DACT3: variants seen among roughly 807,000 people sequenced by gnomAD.
DACT3 encodes dishevelled binding antagonist of beta catenin 3.
In DACT3, 5 loss-of-function variants were observed where a neutral mutation model predicts 19.6. The observed-to-expected ratio is 0.26, with a 90% CI of 0.13 to 0.54. DACT3 has a LOEUF of 0.54. Among genes scored for constraint, DACT3 ranks in the 20% least tolerant of loss-of-function variants. The pLI is 0.95. For synonymous variants in DACT3, 454 were observed against 428.1 expected, an observed-to-expected ratio of 1.06 and a Z score of -0.75; for missense variants, 908 against 927.4, an observed-to-expected ratio of 0.98 and a Z score of 0.27.
chr19:46,649,269 C>T lies in DACT3; in HGVS notation c.1103G>A (p.Arg368Gln). Reference sequence around the variant, plus strand: ...GCGGGCGGCGCGGCCAGGGAGGCCTCGGGTGGCCGCCTGCGCGCCCGGGAT... The same window carrying T: ...GCGGGCGGCGCGGCCAGGGAGGCCTTGGGTGGCCGCCTGCGCGCCCGGGAT... Reference protein sequence around the residue: ...QYIPGAQAATRGLPGRAARRK... With the variant: ...QYIPGAQAATQGLPGRAARRK... Residue 368 changes from arginine to glutamine, a missense_variant, in exon 4 of 4, where the codon CGA becomes CAA. Around this residue, in one of 2 missense-constraint regions of DACT3, gnomAD observed 656 missense variants for 601.8 expected, o/e 1.09. Transcript: ENST00000391916. 8.3e-7 allele frequency: 1 copy of T among 1,205,990 alleles called. No individual in the cohort carries two copies. Among genetic ancestry groups the T allele is most frequent in the Non-Finnish European group, 1.0e-6 (1 of 972,750 alleles). The allele number at this position is 1,205,990 out of a possible 1,614,324, so 74.7% of individuals were successfully genotyped here.
intron 1 of DACT3, among the ~76,000 whole-genome samples, chr19:46,656,818 A>G (rs2053037287): frequency 6.6e-6 from 1 of 152,214 alleles, no homozygotes; most frequent in Non-Finnish European, 1.5e-5. Context: ...GTGACTCAGA[A>G]TTACCTGGAG....
At position 46,648,486 on chromosome 19, in the gene DACT3, A is replaced by T; in HGVS notation, c.1886T>A (p.Val629Glu). ...RSGSLKVMTTV is the reference protein window; with the variant it reads ...RSGSLKVMTTE ...AGCCCAAGCAAATCCCCAAACTCAC[A>T]CTGTAGTCATGACCTTGAGAGAACC... Residue 629 changes from valine to glutamate, a missense_variant, in exon 4 of 4, where the codon GTG becomes GAG. Coordinates refer to ENST00000391916, the MANE Select transcript of DACT3 (RefSeq NM_145056.3). The surrounding 1 kb of genome is among the most constrained non-coding windows in gnomAD (Gnocchi z 5.1). 1 of 1,613,944 alleles carries T rather than the reference A, an allele frequency of 6.2e-7. No homozygotes were observed. The highest frequency in any genetic ancestry group is 8.5e-7 in the Non-Finnish European group (1 of 1,179,842).
At chr19:46,659,050 T>G in intron 1 of DACT3, 1 of 976,270 alleles carries the variant, frequency 1.0e-6, no homozygotes. Flanking sequence ...TGGCAGGGGC[T>G]GGGGGTGGGG....
At position 46,652,899 on chromosome 19, in the gene DACT3, GAC is replaced by G. The variant is rs950092267; in HGVS notation, c.346+78_346+79del. 3.2e-6 allele frequency: 5 copies of G among 1,540,654 alleles called. No homozygotes were observed. In the African/African-American group the frequency reaches 6.9e-5, roughly 21 times the overall value. ...GAAAGGAGGAGATGGCGTGGGGAGA[GAC>G]ACAGGGGGCCTCAGAAATAGGGATA... On this transcript the variant is annotated intron_variant, in intron 2 of 3. Transcript: ENST00000391916.
In DACT3 at chr19:46,648,555, T is replaced by C. The variant is rs1348410388; in HGVS notation, c.1817A>G (p.Lys606Arg). The C allele has an allele frequency of 1.9e-6, 3 of 1,613,826 alleles. No homozygotes were observed. The highest frequency in any genetic ancestry group is 2.2e-5 in the South Asian group (2 of 91,078). Residue 606 changes from lysine (K) to arginine (R), a missense_variant, in exon 4 of 4, where the codon AAA (lysine) becomes AGA (arginine). This residue lies in a region of DACT3 where 656 missense variants were observed against 601.8 expected (regional missense o/e 1.09). Transcript: ENST00000391916. This position sits in a 1 kb window ranked among gnomAD's most constrained non-coding sequence, Gnocchi z 5.1. ...CTTTTTCTTGAGCGCGTGGGAAGCTTTGATTTTCACGAAGACTTTGGCGGG... is the reference window on the plus strand; with the variant it reads ...CTTTTTCTTGAGCGCGTGGGAAGCTCTGATTTTCACGAAGACTTTGGCGGG... ...AGPAKVFVKI[K>R]ASHALKKKIL...
At chr19:46,653,247 C>A (rs2053004193) in intron 1 of DACT3, among the ~76,000 whole-genome samples, 172 bp from the exon 2 acceptor site, 1 of 152,142 alleles carries the variant, frequency 6.6e-6, no homozygotes, top group Admixed American at 6.5e-5. Flanking sequence ...GTCCCTTCAT[C>A]CCCATTAGAA....
intron 3 of DACT3, chr19:46,651,255 G>A (rs2052981607): frequency 6.6e-6 from 1 of 151,994 alleles, no homozygotes; most frequent in South Asian, 2.1e-4. Flanking sequence ...GCTAATTTTT[G>A]TATTTTTTGT....
chr19:46,656,040 AATTT>A (rs201832570), intron 1 of DACT3, among the ~76,000 whole-genome samples: 230 of 135,838 alleles, frequency 1.7e-3, no homozygotes, highest in African/African-American at 4.5e-3. Context: ...ATATATATGA[AATTT>A]ATTTATTTAT....
chr19:46,654,306 T>C, intron 1 of DACT3: 4 of 718,918 alleles, frequency 5.6e-6, no homozygotes, highest in Non-Finnish European at 6.8e-6. Flanking sequence ...GCCAATATGG[T>C]GAAACCTTGT....
chr19:46,660,023 C>T lies in DACT3; in HGVS notation c.249+793G>A, dbSNP rs1417733594. On this transcript the variant is annotated intron_variant, in intron 1 of 3. Transcript: ENST00000391916. The surrounding 1 kb of genome is among the most constrained non-coding windows in gnomAD (Gnocchi z 4.9). ...GAACCCAGGACGAGATCGGGAGACT[C>T]AAGGAATGACATAGAAAGGGGAGAG... Among the ~76,000 whole-genome samples, 3 of 152,080 alleles carry T rather than the reference C, an allele frequency of 2.0e-5. No homozygotes were observed. The highest frequency in any genetic ancestry group is 4.4e-5 in the Non-Finnish European group (3 of 68,000).
Position 46,648,364 on chromosome 19 carries a change from G to T in DACT3, c.*118C>A. The T allele has an allele frequency of 1.3e-6, 2 of 1,535,816 alleles. No homozygotes were observed. The highest frequency in any genetic ancestry group is 1.8e-6 in the Non-Finnish European group (2 of 1,130,068). On this transcript the variant is annotated 3_prime_UTR_variant, in exon 4 of 4. Transcript: ENST00000391916. The surrounding 1 kb of genome is among the most constrained non-coding windows in gnomAD (Gnocchi z 5.1). ...GACTGTTAGGAGTGGGGAGAGTGAG[G>T]GGGGTCTTTGGAAGCAGAGAAAACG...
chr19:46,654,530 C>G (rs974739752), intron 1 of DACT3: 1 of 983,362 alleles, frequency 1.0e-6, no homozygotes, highest in African/African-American at 1.8e-5. Context: ...ATGAGTCTAC[C>G]CTGGATCCTT....
intron 1 of DACT3, chr19:46,654,701 G>C: frequency 1.0e-6 from 1 of 985,438 alleles, no homozygotes; most frequent in Non-Finnish European, 1.2e-6. Flanking sequence ...TTGACCCTCA[G>C]ACAAAAGCGG....
chr19:46,649,068 G>A lies in DACT3; in HGVS notation c.1304C>T (p.Ser435Phe). 7.7e-7 allele frequency: 1 copy of A among 1,293,434 alleles called. No homozygotes were observed. Among genetic ancestry groups the A allele is most frequent in the Non-Finnish European group, 9.8e-7 (1 of 1,023,336 alleles). 80.1% of individuals were successfully genotyped at this position (1,293,434 alleles called of 1,614,324 possible). Residue 435 changes from serine to phenylalanine, a missense_variant, in exon 4 of 4, where the codon TCC (serine) becomes TTC (phenylalanine). Ser to Phe is a radical substitution (Grantham distance 155, BLOSUM62 -2). Transcript: ENST00000391916. ...QSETSLLGRA[S>F]AVPSGPPKYP... Reference sequence around the variant, plus strand: ...CTTAGGGGGCCCCGAAGGGACCGCGGAGGCGCGGCCCAGCAGGCTGGTCTC... The same window carrying A: ...CTTAGGGGGCCCCGAAGGGACCGCGAAGGCGCGGCCCAGCAGGCTGGTCTC...
chr19:46,661,132 C>T lies in DACT3; in HGVS notation c.-68G>A, dbSNP rs2053073265. 1.5e-6 allele frequency: 2 copies of T among 1,320,462 alleles called. No homozygotes were observed. Among genetic ancestry groups the T allele is most frequent in the African/African-American group, 1.6e-5 (1 of 64,424 alleles). The allele number at this position is 1,320,462 out of a possible 1,614,324, so 81.8% of individuals were successfully genotyped here. A position where few individuals can be genotyped will look rare whatever the true frequency, so the allele number is the denominator to read the frequency against. ...CCCCTCTCCCGGTCCCACCTCCCCG[C>T]CCCAGCAGCCTGCCCGCCCGCCCGC... On this transcript the variant is annotated 5_prime_UTR_variant, in exon 1 of 4. Transcript: ENST00000391916.
chr19:46,648,625 T>C lies in DACT3; in HGVS notation c.1747A>G (p.Thr583Ala). 3 of 1,612,572 alleles carry C rather than the reference T, an allele frequency of 1.9e-6. No individual in the cohort carries two copies. Among genetic ancestry groups the C allele is most frequent in the Non-Finnish European group, 2.5e-6 (3 of 1,179,480 alleles). The change falls in exon 4 of 4, where the codon ACC becomes GCC. Residue 583 changes from threonine (T) to alanine (A), a missense_variant. By Grantham distance (58) the Thr-to-Ala change is moderately conservative (BLOSUM62 0). This residue lies in a region of DACT3 where 656 missense variants were observed against 601.8 expected (regional missense o/e 1.09). Transcript: ENST00000391916. The surrounding 1 kb of genome is among the most constrained non-coding windows in gnomAD (Gnocchi z 5.1). ...LVWPQQLVAA[T>A]AASGGGAGAG... ...CCTGCTCCACCCCCAGAGGCCGCGG[T>C]GGCCGCCACCAGCTGCTGCGGCCAC...
rs751477896 is a variant in DACT3 at position 46,649,351 on chromosome 19, C to T, written c.1021G>A (p.Ala341Thr). Residue 341 changes from alanine to threonine, a missense_variant, in exon 4 of 4, where the codon GCC (alanine) becomes ACC (threonine). Physicochemically the swap from Ala to Thr is moderately conservative, Grantham distance 58 (BLOSUM62 0). Around this residue, in one of 2 missense-constraint regions of DACT3, gnomAD observed 656 missense variants for 601.8 expected, o/e 1.09. Transcript: ENST00000391916. Reference sequence around the variant, plus strand: ...GGGCTGTCGGGGGGTGAGGGGGCGGCGGGCGGCGCAGCGGGCTCGGGTGCC... The same window carrying T: ...GGGCTGTCGGGGGGTGAGGGGGCGGTGGGCGGCGCAGCGGGCTCGGGTGCC... ...EAAPEPAAPPAAPSPPDSPAE... is the reference protein window; with the variant it reads ...EAAPEPAAPPTAPSPPDSPAE... 1.3e-4 allele frequency: 163 copies of T among 1,241,320 alleles called. 2 individuals are homozygous for T. In the South Asian group the frequency reaches 3.2e-3, roughly 24 times the overall value. 76.9% of individuals were successfully genotyped at this position (1,241,320 alleles called of 1,614,324 possible). A position where few individuals can be genotyped will look rare whatever the true frequency, so the allele number is the denominator to read the frequency against.
At chr19:46,658,229 TA>T (rs34025756) in intron 1 of DACT3, among the ~76,000 whole-genome samples, 360 of 142,546 alleles carry the variant, frequency 2.5e-3, no homozygotes, top group Middle Eastern at 7.4e-3. Context: ...CTCATATCTT[TA>T]AAAAAAAAAA....
In DACT3 at chr19:46,649,127, C is replaced by A. The variant is rs1218592789; in HGVS notation, c.1245G>T (p.Ser415=). ...RMAEASGRRG[S]PRARKASRSQ... ...AGCGCGAGGCCTTGCGGGCCCTGGG[C>A]GAGCCGCGGCGGCCCGAAGCCTCGG... Residue 415 remains serine (S), a synonymous_variant, in exon 4 of 4, where the codon TCG becomes TCT. Transcript: ENST00000391916. 7 of 1,272,862 alleles carry A rather than the reference C, an allele frequency of 5.5e-6. No individual in the cohort carries two copies. The highest frequency in any genetic ancestry group is 3.1e-4 in the Middle Eastern group (1 of 3,222). 78.8% of individuals were successfully genotyped at this position (1,272,862 alleles called of 1,614,324 possible).
Sources: gnomAD v4.1 joint callset for allele counts (sites outside exome capture counted in the v4.1 genomes callset) on GRCh38, gnomAD v4.1.1 for gene constraint, gnomAD v4.1.1 regional missense constraint, Gnocchi (gnomAD v3.1) non-coding constraint, MANE v1.5 for transcripts, NCBI Gene and HGNC (gene_info 2026-07-23, HGNC 2026-07-21) for gene names.